The following CHIC1 variants were observed in gnomAD, a reference collection of about 807,000 sequenced individuals.
CHIC1 encodes cysteine rich hydrophobic domain 1.
Under a neutral mutation model 18.5 loss-of-function variants are expected in CHIC1, and 7 were observed. That is an observed-to-expected ratio of 0.38 (90% CI 0.22 to 0.71). The LOEUF (loss-of-function observed/expected upper bound fraction) is 0.71. Among genes scored for constraint, CHIC1 ranks in the 30% least tolerant of loss-of-function variants. CHIC1 has a pLI of 0.49. For missense variants in CHIC1, 159 were observed against 176.9 expected, an observed-to-expected ratio of 0.90 and a Z score of 0.57; for synonymous variants, 77 against 73.5, an observed-to-expected ratio of 1.05 and a Z score of -0.25.
At chrX:73,680,545 C>A (rs1044864278) in intron 5 of CHIC1, among the ~76,000 whole-genome samples, 5 of 111,294 alleles carry the variant, frequency 4.5e-5, no homozygotes, top group African/African-American at 1.6e-4. Flanking sequence ...ATATCAGTTT[C>A]TTTAATTGAA....
At chrX:73,675,898 C>T (rs1446773556) in intron 3 of CHIC1, among the ~76,000 whole-genome samples, 4 of 109,865 alleles carry the variant, frequency 3.6e-5, no homozygotes, top group African/African-American at 1.0e-4. Flanking sequence ...TTTAGTGCTT[C>T]CATCAGGAGC....
At position 73,685,128 on chromosome X, in the gene CHIC1, A is replaced by G. The variant is rs1359549426; in HGVS notation, c.*4123A>G. The G allele has an allele frequency of 8.9e-6, 1 of 111,772 alleles. No homozygotes were observed. The highest frequency in any genetic ancestry group is 1.9e-5 in the Non-Finnish European group (1 of 52,969). 9.2% of individuals were successfully genotyped at this position (111,772 alleles called of 1,213,427 possible). A position where few individuals can be genotyped will look rare whatever the true frequency, so the allele number is the denominator to read the frequency against. ...CATTTTTACTCTATAGAATCTCAGA[A>G]TGATTATTCTCAGATCTACTGTCCT... On this transcript the variant is annotated 3_prime_UTR_variant, in exon 6 of 6. Transcript: ENST00000373502.
intron 3 of CHIC1, among the ~76,000 whole-genome samples, chrX:73,632,657 A>G (rs1037805969): frequency 2.0e-5 from 2 of 99,757 alleles, no homozygotes; most frequent in Non-Finnish European, 4.1e-5. Flanking sequence ...TTTCCTTTTT[A>G]TGTTATGTAT....
In CHIC1 at chrX:73,563,391, C is replaced by T. The variant is rs2057426424; in HGVS notation, c.107C>T (p.Ser36Leu). 1 of 1,156,825 alleles carries T rather than the reference C, an allele frequency of 8.6e-7. No individual in the cohort carries two copies. The change falls in exon 1 of 6, where the codon TCG becomes TTG. Residue 36 changes from serine (S) to leucine (L), a missense_variant. Coordinates refer to ENST00000373502, the MANE Select transcript of CHIC1 (RefSeq NM_001039840.4). ...ATSSSSPSSS[S>L]SVSGPDDDEE... ...TCGTCGTCGTCGCCGTCGTCGTCGT[C>T]GTCGGTATCTGGGCCCGACGATGAC...
intron 3 of CHIC1, among the ~76,000 whole-genome samples, chrX:73,657,975 C>T (rs2147615480): frequency 9.0e-6 from 1 of 111,550 alleles, no homozygotes; most frequent in Admixed American, 9.5e-5. Context: ...ACAACTTGAT[C>T]ATGGTGGATA....
At chrX:73,582,338 T>C (rs1293094941) in intron 2 of CHIC1, among the ~76,000 whole-genome samples, 10 of 110,874 alleles carry the variant, frequency 9.0e-5, no homozygotes. Flanking sequence ...TCATATTTTT[T>C]CTTTATTTTA....
intron 3 of CHIC1, among the ~76,000 whole-genome samples, chrX:73,638,242 A>C (rs2057839531): frequency 9.0e-6 from 1 of 111,511 alleles, no homozygotes; most frequent in African/African-American, 3.3e-5. Context: ...AGCCTTCTAC[A>C]TGTCTGTTGC....
At position 73,683,400 on chromosome X, in the gene CHIC1, A is replaced by G. The variant is rs1319608375; in HGVS notation, c.*2395A>G. On this transcript the variant is annotated 3_prime_UTR_variant, in exon 6 of 6. Coordinates refer to ENST00000373502, the MANE Select transcript of CHIC1 (RefSeq NM_001039840.4). Reference sequence around the variant, plus strand: ...TTCCTTTGCAGGGGGCTGATTAGCAATTGAGTATTTTGTAATGTTTGGGCG... The same window carrying G: ...TTCCTTTGCAGGGGGCTGATTAGCAGTTGAGTATTTTGTAATGTTTGGGCG... 9.0e-6 allele frequency: 1 copy of G among 111,193 alleles called. No individual in the cohort carries two copies. Among genetic ancestry groups the G allele is most frequent in the Non-Finnish European group, 1.9e-5 (1 of 52,740 alleles). The allele number at this position is 111,193 out of a possible 1,213,427, so 9.2% of individuals were successfully genotyped here. A position where few individuals can be genotyped will look rare whatever the true frequency, so the allele number is the denominator to read the frequency against.
intron 2 of CHIC1, among the ~76,000 whole-genome samples, chrX:73,579,779 A>G (rs2057517861): frequency 9.0e-6 from 1 of 110,676 alleles, no homozygotes; most frequent in Non-Finnish European, 1.9e-5. Context: ...CTATACTTAG[A>G]TTTGTTTTAT....
chrX:73,575,515 A>G (rs1009759871), intron 1 of CHIC1, among the ~76,000 whole-genome samples: 1 of 110,536 alleles, frequency 9.0e-6, no homozygotes, highest in Non-Finnish European at 1.9e-5. Context: ...CTCCTAGGCT[A>G]CAAACCTGTA....
At chrX:73,578,116 A>G (rs2057509037) in intron 2 of CHIC1, among the ~76,000 whole-genome samples, 1 of 110,713 alleles carries the variant, frequency 9.0e-6, no homozygotes, top group South Asian at 3.7e-4. Flanking sequence ...ACAAAATAAC[A>G]AAAAGGTGAC....
intron 3 of CHIC1, among the ~76,000 whole-genome samples, chrX:73,655,284 G>C (rs922356905): frequency 1.9e-5 from 2 of 103,898 alleles, no homozygotes; most frequent in Non-Finnish European, 4.0e-5. Context: ...GTGTGTGTGC[G>C]TGTGTGTGTG....
intron 3 of CHIC1, among the ~76,000 whole-genome samples, chrX:73,655,019 A>G (rs2057935032): frequency 9.1e-6 from 1 of 110,390 alleles, no homozygotes; most frequent in African/African-American, 3.3e-5. Flanking sequence ...TATTAAGCCC[A>G]CCATCCATTA....
chrX:73,621,834 G>A (rs2057761899), intron 3 of CHIC1, among the ~76,000 whole-genome samples: 1 of 112,065 alleles, frequency 8.9e-6, no homozygotes, highest in South Asian at 3.7e-4. Flanking sequence ...CTGTGGGTTT[G>A]TTATGAATAG....
chrX:73,645,026 C>T, intron 3 of CHIC1, among the ~76,000 whole-genome samples: 1 of 112,322 alleles, frequency 8.9e-6, no homozygotes, highest in African/African-American at 3.2e-5. Context: ...CCTGGTACCT[C>T]AGATGGAAAT....
chrX:73,563,987 C>T (rs1372108592), intron 1 of CHIC1, among the ~76,000 whole-genome samples: 2 of 111,962 alleles, frequency 1.8e-5, no homozygotes, highest in Admixed American at 1.9e-4. Flanking sequence ...AAGAACTAGG[C>T]TTGCATTCTT....
chrX:73,628,442 T>C (rs2057793180), intron 3 of CHIC1, among the ~76,000 whole-genome samples: 1 of 112,015 alleles, frequency 8.9e-6, no homozygotes, highest in South Asian at 3.7e-4. Flanking sequence ...GTGGCAAGGT[T>C]TGTAGAAACT....
chrX:73,631,352 C>T (rs936462788), intron 3 of CHIC1, among the ~76,000 whole-genome samples: 3 of 110,669 alleles, frequency 2.7e-5, no homozygotes, highest in South Asian at 3.8e-4. Flanking sequence ...TTAGGCTGGG[C>T]GTAGTGGCTC....
At position 73,663,445 on chromosome X, in the gene CHIC1, G is replaced by A. The variant is rs746193874; in HGVS notation, c.508-15881G>A. 4.3e-4 allele frequency among the ~76,000 whole-genome samples: 47 copies of A among 110,403 alleles called. 1 individual carries two copies. The highest frequency in any genetic ancestry group is 4.6e-3 in the Middle Eastern group (1 of 216). On this transcript the variant is annotated intron_variant, in intron 3 of 5. Coordinates refer to ENST00000373502, the MANE Select transcript of CHIC1 (RefSeq NM_001039840.4). ...CTCCCCCATTGGGCTAATAGGTCTC[G>A]TTCCCCAAAGATTAACAGGGATGAG...
Sources: allele counts gnomAD v4.1 joint callset (sites outside exome capture counted in the v4.1 genomes callset), GRCh38; gene constraint gnomAD v4.1.1; transcripts MANE v1.5; gene names NCBI Gene and HGNC (gene_info 2026-07-23, HGNC 2026-07-21).